The following ZNF844 variants were observed in gnomAD, a reference collection of about 807,000 sequenced individuals.
ZNF844 encodes the protein zinc finger protein 844.
Under a neutral mutation model 11.4 loss-of-function variants are expected in ZNF844, and 11 were observed. That is an observed-to-expected ratio of 0.97 (90% CI 0.61 to 1.60). The LOEUF (loss-of-function observed/expected upper bound fraction) is 1.60, where lower values mean the gene tolerates loss of function less well. ZNF844 is among the 40% of genes most tolerant of loss of function. The pLI, the probability that ZNF844 is intolerant of heterozygous loss-of-function variation, is 0.00. For synonymous variants in ZNF844, 248 were observed against 260.3 expected (o/e 0.95, Z 0.46); for missense variants, 790 against 796.8 (o/e 0.99, Z 0.10).
intron 1 of ZNF844, among the ~76,000 whole-genome samples, chr19:12,067,607 C>CAAAAAA (rs772282496): frequency 1.6e-4 from 6 of 37,432 alleles, no homozygotes; most frequent in African/African-American, 3.2e-4. Context: ...AACTCTGTCT[C>CAAAAAA]AAAAAAAAAA....
Position 12,075,313 on chromosome 19 carries a change from A to C in ZNF844, c.193A>C (p.Ser65Arg), listed in dbSNP as rs764067259. Residue 65 changes from serine to arginine, a missense_variant and splice_region_variant, in exon 4 of 4, where the codon AGT becomes CGT. Physicochemically the swap from Ser to Arg is moderately radical, Grantham distance 110. Coordinates refer to ENST00000439326, the MANE Select transcript of ZNF844 (RefSeq NM_001136501.3). ...TAATGTGTTTCTCATTTTTCACAGA[A>C]GTCTTCTGGGAGAGAGAGTTGATGA... ...QYKNPRNNLR[S>R]LLGERVDENT... The C allele has an allele frequency of 3.6e-6, 5 of 1,403,960 alleles. No individual in the cohort carries two copies. The African/African-American group carries it at 7.3e-5, about 20-fold the overall frequency. 87.0% of individuals were successfully genotyped at this position (1,403,960 alleles called of 1,614,324 possible).
At chr19:12,073,419 G>C (rs898278912) in intron 1 of ZNF844, among the ~76,000 whole-genome samples, 1 of 152,086 alleles carries the variant, frequency 6.6e-6, no homozygotes, top group African/African-American at 2.4e-5. Flanking sequence ...GCCTTCCAAA[G>C]TCCTGGGATT....
chr19:12,076,222 A>C lies in ZNF844; in HGVS notation c.1102A>C (p.Thr368Pro), dbSNP rs1334227428. Reference protein sequence around the residue: ...HTRMRPYKCKTVEKPLILPVR... With the variant: ...HTRMRPYKCKPVEKPLILPVR... ...TAGAATGAGACCTTATAAATGTAAG[A>C]CTGTGGAAAAGCCTTTGATTCTCCC... The change falls in exon 4 of 4, where the codon ACT (threonine) becomes CCT (proline). Residue 368 changes from threonine to proline, a missense_variant. By Grantham distance (38) the Thr-to-Pro change is conservative. This residue lies in a region of ZNF844 where 657 missense variants were observed against 636.2 expected (regional missense o/e 1.03). Transcript: ENST00000439326. 5 of 1,601,916 alleles carry C rather than the reference A, an allele frequency of 3.1e-6. No homozygotes were observed. The highest frequency in any genetic ancestry group is 1.1e-5 in the South Asian group (1 of 90,010).
chr19:12,075,095 C>T lies in ZNF844; in HGVS notation c.192-217C>T, dbSNP rs577780602. 1.2e-3 allele frequency among the ~76,000 whole-genome samples: 177 copies of T among 152,116 alleles called. 1 individual carries two copies. The highest frequency in any genetic ancestry group is 4.1e-3 in the African/African-American group (169 of 41,474). On this transcript the variant is annotated intron_variant, in intron 3 of 3. Coordinates refer to ENST00000439326, the MANE Select transcript of ZNF844 (RefSeq NM_001136501.3). ...GGGAGGGATAGCATTAGGAGATATA[C>T]CTAATGCTAAATGACGAGTTAATGG...
At chr19:12,075,070 G>T (rs1975792031) in intron 3 of ZNF844, among the ~76,000 whole-genome samples, 1 of 152,096 alleles carries the variant, frequency 6.6e-6, no homozygotes, top group African/African-American at 2.4e-5. Flanking sequence ...AAGTTCAGTG[G>T]GGAGGGATAG....
At position 12,080,478 on chromosome 19, in the gene ZNF844, T is replaced by C; in HGVS notation, c.*3357T>C. ...TTCAAAGGCAGACAAGAGGAAGTCA[T>C]CAGTCACATTTTAGAGGCACCAAAC... On this transcript the variant is annotated 3_prime_UTR_variant, in exon 4 of 4. Transcript: ENST00000439326. 7.7e-6 allele frequency: 2 copies of C among 259,970 alleles called. No individual in the cohort carries two copies. Among genetic ancestry groups the C allele is most frequent in the Non-Finnish European group, 1.5e-5 (2 of 131,986 alleles). 16.1% of individuals were successfully genotyped at this position (259,970 alleles called of 1,614,324 possible).
At chr19:12,074,788 G>C (rs915685070) in intron 3 of ZNF844, among the ~76,000 whole-genome samples, 4 of 152,124 alleles carry the variant, frequency 2.6e-5, no homozygotes, top group Non-Finnish European at 5.9e-5. Flanking sequence ...GGAGTTCAAG[G>C]GTGCTGTGAA....
In ZNF844 at chr19:12,076,864, G is replaced by A. The variant is rs1975830633; in HGVS notation, c.1744G>A (p.Asp582Asn). The A allele has an allele frequency of 3.2e-6, 5 of 1,564,714 alleles. No individual in the cohort carries two copies. The highest frequency in any genetic ancestry group is 4.3e-6 in the Non-Finnish European group (5 of 1,154,582). Residue 582 changes from aspartate (D) to asparagine (N), a missense_variant, in exon 4 of 4, where the codon GAC becomes AAC. This residue lies in a region of ZNF844 where 657 missense variants were observed against 636.2 expected (regional missense o/e 1.03). Transcript: ENST00000439326. ...PFKYMQQCTE[D>N]RMPMNVKSVT... The stretch of plus-strand genomic sequence containing the variant: ...CAAATACATGCAACAATGCACAGAG[G>A]ACAGAATGCCTATGAATGTAAAGAG...
Position 12,080,078 on chromosome 19 carries a change from G to C in ZNF844, c.*2957G>C, listed in dbSNP as rs1403351415. 1 of 155,044 alleles carries C rather than the reference G, an allele frequency of 6.4e-6. No individual in the cohort carries two copies. The highest frequency in any genetic ancestry group is 1.9e-4 in the East Asian group (1 of 5,260). The allele number at this position is 155,044 out of a possible 1,614,324, so 9.6% of individuals were successfully genotyped here. ...AAGAAGAGAGGCCTGGCCGGACACA[G>C]TGGCTCACGCCTGTAATCCCAGCAC... On this transcript the variant is annotated 3_prime_UTR_variant, in exon 4 of 4. Coordinates refer to ENST00000439326, the MANE Select transcript of ZNF844 (RefSeq NM_001136501.3).
Position 12,076,081 on chromosome 19 carries a change from C to G in ZNF844, c.961C>G (p.Pro321Ala), listed in dbSNP as rs1447276773. 1 of 1,563,618 alleles carries G rather than the reference C, an allele frequency of 6.4e-7. No homozygotes were observed. The highest frequency in any genetic ancestry group is 8.7e-7 in the Non-Finnish European group (1 of 1,153,492). ...CTKCGKAFKC[P>A]SYLCRHEVTH... ...CAAATGTGGGAAAGCATTCAAGTGT[C>G]CCAGTTATCTTTGTAGACATGAAGT... Residue 321 changes from proline to alanine, a missense_variant, in exon 4 of 4, where the codon CCC becomes GCC. By Grantham distance (27) the Pro-to-Ala change is conservative. This residue lies in a region of ZNF844 where 657 missense variants were observed against 636.2 expected (regional missense o/e 1.03). Coordinates refer to ENST00000439326, the MANE Select transcript of ZNF844 (RefSeq NM_001136501.3).
At chr19:12,065,263 C>G (rs1448466386) in intron 1 of ZNF844, among the ~76,000 whole-genome samples, 1 of 152,074 alleles carries the variant, frequency 6.6e-6, no homozygotes, top group African/African-American at 2.4e-5. Flanking sequence ...CTCAGTGCCC[C>G]CTTTCTCCTG....
At chr19:12,067,154 C>T (rs146260784) in intron 1 of ZNF844, among the ~76,000 whole-genome samples, 2,209 of 151,788 alleles carry the variant, frequency 0.015, 57 homozygotes, top group African/African-American at 0.051. Flanking sequence ...GAGCTGAGAT[C>T]GCGCCACTGC....
At position 12,075,770 on chromosome 19, in the gene ZNF844, G is replaced by A. The variant is rs1217742979; in HGVS notation, c.650G>A (p.Arg217Gln). The change falls in exon 4 of 4, where the codon CGA becomes CAA. Residue 217 changes from arginine to glutamine, a missense_variant. This residue lies in a region of ZNF844 where 657 missense variants were observed against 636.2 expected (regional missense o/e 1.03). Coordinates refer to ENST00000439326, the MANE Select transcript of ZNF844 (RefSeq NM_001136501.3). ...CTCAGCATATATCTTATACATGAACGAGTTCACACTGGAGAGAAACCATAT... is the reference window on the plus strand; with the variant it reads ...CTCAGCATATATCTTATACATGAACAAGTTCACACTGGAGAGAAACCATAT... ...PCLSIYLIHERVHTGEKPYKC... is the reference protein window; with the variant it reads ...PCLSIYLIHEQVHTGEKPYKC... 5.6e-6 allele frequency: 9 copies of A among 1,613,408 alleles called. No homozygotes were observed. Among genetic ancestry groups the A allele is most frequent in the Middle Eastern group, 1.7e-4 (1 of 6,060 alleles).
Position 12,075,541 on chromosome 19 carries a change from T to C in ZNF844, c.421T>C (p.Tyr141His), listed in dbSNP as rs1975798812. Residue 141 changes from tyrosine (Y) to histidine (H), a missense_variant, in exon 4 of 4, where the codon TAT (tyrosine) becomes CAT (histidine). By Grantham distance (83) the Tyr-to-His change is moderately conservative. Coordinates refer to ENST00000439326, the MANE Select transcript of ZNF844 (RefSeq NM_001136501.3). Reference protein sequence around the residue: ...SEYQEYGQEPYKCQQRKKAFR... With the variant: ...SEYQEYGQEPHKCQQRKKAFR... ...GTATCAGGAATATGGACAGGAGCCA[T>C]ATAAGTGTCAACAACGTAAGAAAGC... is the stretch of plus-strand genomic sequence containing the variant. 6.2e-7 allele frequency: 1 copy of C among 1,614,036 alleles called. No individual in the cohort carries two copies. Among genetic ancestry groups the C allele is most frequent in the South Asian group, 1.1e-5 (1 of 91,056 alleles).
chr19:12,078,311 G>C lies in ZNF844; in HGVS notation c.*1190G>C, dbSNP rs186565616. ...TTGGCTAATTTTTATATTTTTAGTA[G>C]AGATGAGGTCTCACCCTATTGGCCA... On this transcript the variant is annotated 3_prime_UTR_variant, in exon 4 of 4. Transcript: ENST00000439326. 6.6e-6 allele frequency: 1 copy of C among 152,134 alleles called. No individual in the cohort carries two copies. The highest frequency in any genetic ancestry group is 1.5e-5 in the Non-Finnish European group (1 of 68,072). The allele number at this position is 152,134 out of a possible 1,614,324, so 9.4% of individuals were successfully genotyped here.
Position 12,075,812 on chromosome 19 carries a change from G to A in ZNF844, c.692G>A (p.Gly231Asp). Reference protein sequence around the residue: ...GEKPYKCKQCGKAFSYSTSLQ... With the variant: ...GEKPYKCKQCDKAFSYSTSLQ... ...AAACCATATAAATGTAAACAATGTG[G>A]TAAAGCCTTTAGTTATTCAACTTCC... The change falls in exon 4 of 4, where the codon GGT (glycine) becomes GAT (aspartate). Residue 231 changes from glycine to aspartate, a missense_variant. Transcript: ENST00000439326. 1 of 1,611,476 alleles carries A rather than the reference G, an allele frequency of 6.2e-7. No homozygotes were observed. Among genetic ancestry groups the A allele is most frequent in the Non-Finnish European group, 8.5e-7 (1 of 1,178,812 alleles).
intron 1 of ZNF844, among the ~76,000 whole-genome samples, chr19:12,073,282 C>A (rs769939581): frequency 3.9e-5 from 6 of 152,052 alleles, no homozygotes; most frequent in Non-Finnish European, 7.4e-5. Flanking sequence ...GCCTCAGCCT[C>A]CCGAGTACCT....
At chr19:12,072,198 T>A (rs1285540074) in intron 1 of ZNF844, among the ~76,000 whole-genome samples, 4 of 152,206 alleles carry the variant, frequency 2.6e-5, no homozygotes, top group African/African-American at 9.6e-5. Context: ...ATCCTGAATT[T>A]TCATGCTTTT....
At position 12,072,730 on chromosome 19, in the gene ZNF844, C is replaced by A. The variant is rs868857108; in HGVS notation, c.4-1301C>A. Among the ~76,000 whole-genome samples the A allele has an allele frequency of 1.1e-4, 16 of 151,878 alleles. 1 individual carries two copies. In the South Asian group the frequency reaches 3.3e-3, roughly 32 times the overall value. The stretch of plus-strand genomic sequence containing the variant: ...TCCTGAGTAGCTAGGATTACAGGCA[C>A]CCACCACCATGCCTGGCTAATTTTT... On this transcript the variant is annotated intron_variant, in intron 1 of 3. Transcript: ENST00000439326.
Sources: allele counts gnomAD v4.1 joint callset (sites outside exome capture counted in the v4.1 genomes callset), GRCh38; gene constraint gnomAD v4.1.1; regional missense constraint gnomAD v4.1.1; transcripts MANE v1.5; gene names NCBI Gene and HGNC (gene_info 2026-07-23, HGNC 2026-07-21).